COASY: variants seen among roughly 807,000 people sequenced by gnomAD.
COASY encodes the protein Coenzyme A synthase, also known as bifunctional coenzyme A synthase.
In COASY, 31 loss-of-function variants were observed where a neutral mutation model predicts 49.4. The ratio of observed to expected loss-of-function variants is 0.63; its 90% CI spans 0.47 to 0.85. The LOEUF is 0.85. Ranked by LOEUF, COASY falls within the 40% of genes least tolerant of loss-of-function variation. The pLI is 0.00. For synonymous variants in COASY, 285 were observed against 310.9 expected (o/e 0.92, Z 0.88); for missense variants, 730 against 734.1 (o/e 0.99, Z 0.06).
intron 6 of COASY, 45 bp downstream of exon 6, chr17:42,565,356 T>C: frequency 4.3e-6 from 7 of 1,610,092 alleles, no homozygotes; most frequent in Non-Finnish European, 6.0e-6. Flanking sequence ...ACAGTTAAGC[T>C]GTTTCTTCCC....
intron 1 of COASY, 52 bp downstream of exon 1, chr17:42,563,374 C>A: frequency 6.9e-7 from 1 of 1,453,620 alleles, no homozygotes; most frequent in Non-Finnish European, 9.2e-7. Context: ...ATCTCCCCAC[C>A]CCCGACCCTT....
chr17:42,565,836 G>A (rs767405706), intron 8 of COASY, 31 bp downstream of exon 8: 2 of 1,613,934 alleles, frequency 1.2e-6, no homozygotes, highest in South Asian at 2.2e-5. Context: ...CGGGTTGTGG[G>A]GAAGGAGTCT....
chr17:42,565,944 C>T lies in COASY; in HGVS notation c.1671C>T (p.Pro557=). 1.9e-6 allele frequency: 3 copies of T among 1,613,876 alleles called. No homozygotes were observed. The highest frequency in any genetic ancestry group is 2.5e-6 in the Non-Finnish European group (3 of 1,180,024). Reference sequence around the variant, plus strand: ...GGGCCCTCTTGCAGAAGCGCATTCCCAAGACTCATCAGGCCCTCGACTGAA... The same window carrying T: ...GGGCCCTCTTGCAGAAGCGCATTCCTAAGACTCATCAGGCCCTCGACTGAA... ...KAWALLQKRI[P]KTHQALD The change falls in exon 9 of 9, where the codon CCC becomes CCT. Residue 557 remains proline (P), a synonymous_variant. Coordinates refer to ENST00000393818, the MANE Select transcript of COASY (RefSeq NM_025233.7).
Position 42,566,108 on chromosome 17 carries a change from G to T in COASY, c.*140G>T. 1 of 854,550 alleles carries T rather than the reference G, an allele frequency of 1.2e-6. No individual in the cohort carries two copies. The allele number at this position is 854,550 out of a possible 1,614,324, so 52.9% of individuals were successfully genotyped here. A position where few individuals can be genotyped will look rare whatever the true frequency, so the allele number is the denominator to read the frequency against. The stretch of plus-strand genomic sequence containing the variant: ...GTGCAGGACATGGCCAGGCCTGGTG[G>T]ACACAGGAAGCCTACCCAACACGCT... On this transcript the variant is annotated 3_prime_UTR_variant, in exon 9 of 9. Transcript: ENST00000393818.
chr17:42,562,416 G>A lies in COASY; in HGVS notation c.-207G>A, dbSNP rs2092979229. On this transcript the variant is annotated 5_prime_UTR_variant, in exon 1 of 9. Coordinates refer to ENST00000393818, the MANE Select transcript of COASY (RefSeq NM_025233.7). ...AGTCACCGCCCCGTCTGAGAAATGA[G>A]GACACCAAGGCTTAGAGCACAGCCC... 2 of 1,613,796 alleles carry A rather than the reference G, an allele frequency of 1.2e-6. No homozygotes were observed. The highest frequency in any genetic ancestry group is 1.7e-6 in the Non-Finnish European group (2 of 1,179,794).
intron 1 of COASY, chr17:42,563,573 T>C: frequency 1.8e-6 from 1 of 543,170 alleles, no homozygotes; most frequent in Non-Finnish European, 3.3e-6. Context: ...TAGCAAGTTT[T>C]CCAGGTGATA....
Position 42,565,515 on chromosome 17 carries a change from G to A in COASY, c.1432G>A (p.Gly478Ser), listed in dbSNP as rs374725383. ...TGATGCCGCTGTGTTGCTTGAAGCCGGCTGGCAGAACCTGGTCCATGAGGT... is the reference window on the plus strand; with the variant it reads ...TGATGCCGCTGTGTTGCTTGAAGCCAGCTGGCAGAACCTGGTCCATGAGGT... The part of the protein sequence containing the change: ...VIDAAVLLEA[G>S]WQNLVHEVWT... The change falls in exon 7 of 9, where the codon GGC becomes AGC. Residue 478 changes from glycine (G) to serine (S), a missense_variant. Physicochemically the swap from Gly to Ser is moderately conservative, Grantham distance 56. Coordinates refer to ENST00000393818, the MANE Select transcript of COASY (RefSeq NM_025233.7). The A allele has an allele frequency of 3.9e-5, 63 of 1,614,076 alleles. No homozygotes were observed. The highest frequency in any genetic ancestry group is 6.6e-5 in the South Asian group (6 of 91,090).
chr17:42,562,448 G>A lies in COASY; in HGVS notation c.-175G>A. On this transcript the variant is annotated 5_prime_UTR_variant, in exon 1 of 9. Transcript: ENST00000393818. ...AAGGCTTAGAGCACAGCCCCGAGGC[G>A]CCGTCTACCAGGCCCCGTCCCCTCC... 6.2e-7 allele frequency: 1 copy of A among 1,613,824 alleles called. No homozygotes were observed. Among genetic ancestry groups the A allele is most frequent in the South Asian group, 1.1e-5 (1 of 91,080 alleles).
Position 42,565,476 on chromosome 17 carries a change from CGTGT to C in COASY, c.1401_1404del (p.Cys467Ter). On this transcript the variant is annotated frameshift_variant, in exon 7 of 9. Transcript: ENST00000393818. LOFTEE classifies it high-confidence loss of function. ...TGACTGGGGTCTCCCCACAGGAAAG[CGTGT>C]GTGTGTGATTGATGCCGCTGTGTTG... 2 of 1,613,642 alleles carry C rather than the reference CGTGT, an allele frequency of 1.2e-6. No individual in the cohort carries two copies. The highest frequency in any genetic ancestry group is 1.7e-6 in the Non-Finnish European group (2 of 1,179,638).
At chr17:42,564,948 G>A (rs2092994722) in intron 4 of COASY, 35 bp from the exon 5 acceptor site, 1 of 1,613,956 alleles carries the variant, frequency 6.2e-7, no homozygotes, top group African/African-American at 1.3e-5. Context: ...AGCTAGCCAG[G>A]CCTCTGTGCT....
At position 42,565,916 on chromosome 17, in the gene COASY, C is replaced by T. The variant is rs1192640301; in HGVS notation, c.1643C>T (p.Ala548Val). 15 of 1,613,952 alleles carry T rather than the reference C, an allele frequency of 9.3e-6. No individual in the cohort carries two copies. Among genetic ancestry groups the T allele is most frequent in the Non-Finnish European group, 1.3e-5 (15 of 1,180,018 alleles). ...PHITQRQVEK[A>V]WALLQKRIPK... is the part of the protein sequence containing the mutation. ...CTGGCCTGTCTGAAGGTGGAGAAAG[C>T]CTGGGCCCTCTTGCAGAAGCGCATT... The change falls in exon 9 of 9, where the codon GCC becomes GTC. Residue 548 changes from alanine to valine, a missense_variant. Ala to Val is a moderately conservative substitution (Grantham distance 64, BLOSUM62 0). Coordinates refer to ENST00000393818, the MANE Select transcript of COASY (RefSeq NM_025233.7).
intron 1 of COASY, 171 bp from the exon 2 acceptor site, chr17:42,563,790 C>G: frequency 1.7e-6 from 1 of 601,990 alleles, no homozygotes. Flanking sequence ...ATTGTGCTTG[C>G]CTGTTTCTTC....
chr17:42,565,452 G>A lies in COASY; in HGVS notation c.1388-19G>A, dbSNP rs749205667. 6.2e-7 allele frequency: 1 copy of A among 1,613,996 alleles called. No homozygotes were observed. On this transcript the variant is annotated intron_variant, in intron 6 of 8. Transcript: ENST00000393818. ...GGAGAACGTCGGCACTGCTGGCGGT[G>A]ACTGGGGTCTCCCCACAGGAAAGCG...
intron 2 of COASY, 110 bp downstream of exon 2, chr17:42,564,285 G>C (rs780672020): frequency 2.8e-6 from 4 of 1,451,578 alleles, no homozygotes; most frequent in East Asian, 2.3e-5. Flanking sequence ...GGGGGCTCAG[G>C]GTGGTGGGAA....
At position 42,562,433 on chromosome 17, in the gene COASY, G is replaced by C. The variant is rs1416063317; in HGVS notation, c.-190G>C. On this transcript the variant is annotated 5_prime_UTR_variant, in exon 1 of 9. Coordinates refer to ENST00000393818, the MANE Select transcript of COASY (RefSeq NM_025233.7). ...AGAAATGAGGACACCAAGGCTTAGA[G>C]CACAGCCCCGAGGCGCCGTCTACCA... The C allele has an allele frequency of 6.2e-7, 1 of 1,613,748 alleles. No individual in the cohort carries two copies. The highest frequency in any genetic ancestry group is 1.3e-5 in the African/African-American group (1 of 74,904).
In COASY at chr17:42,562,207, C is replaced by G; in HGVS notation, c.-416C>G. 2.0e-6 allele frequency: 1 copy of G among 488,952 alleles called. No homozygotes were observed. Among genetic ancestry groups the G allele is most frequent in the East Asian group, 3.4e-5 (1 of 29,536 alleles). The allele number at this position is 488,952 out of a possible 1,614,324, so 30.3% of individuals were successfully genotyped here. A position where few individuals can be genotyped will look rare whatever the true frequency, so the allele number is the denominator to read the frequency against. On this transcript the variant is annotated 5_prime_UTR_variant, in exon 1 of 9. Coordinates refer to ENST00000393818, the MANE Select transcript of COASY (RefSeq NM_025233.7). ...CGCGGTGGTGCAAGTGGAACCCAAG[C>G]CTTGAGGTTTCAGTGAGTAGGGGGC...
At chr17:42,565,195 A>G (rs755445525) in intron 5 of COASY, 32 bp from the exon 6 acceptor site, 8 of 1,610,664 alleles carry the variant, frequency 5.0e-6, no homozygotes, top group Non-Finnish European at 6.8e-6. Context: ...CTTCTAGAGA[A>G]GGTAACCTCT....
chr17:42,565,827 G>T (rs774471218), intron 8 of COASY, 22 bp downstream of exon 8: 1 of 1,613,890 alleles, frequency 6.2e-7, no homozygotes, highest in South Asian at 1.1e-5. Context: ...GGGCAAGGCC[G>T]GGTTGTGGGG....
chr17:42,566,147 C>A lies in COASY; in HGVS notation c.*179C>A, dbSNP rs867923176. ...ACCCAACACGCTGGTATTTGGCCAA[C>A]ACTGAGGATGTGGTTCATGGGGGAG... On this transcript the variant is annotated 3_prime_UTR_variant, in exon 9 of 9. Coordinates refer to ENST00000393818, the MANE Select transcript of COASY (RefSeq NM_025233.7). 1 of 648,206 alleles carries A rather than the reference C, an allele frequency of 1.5e-6. No individual in the cohort carries two copies. Among genetic ancestry groups the A allele is most frequent in the Middle Eastern group, 4.2e-4 (1 of 2,388 alleles). 40.2% of individuals were successfully genotyped at this position (648,206 alleles called of 1,614,324 possible).
Sources: allele counts gnomAD v4.1 joint callset, GRCh38; gene constraint gnomAD v4.1.1; transcripts MANE v1.5; gene names NCBI Gene and HGNC (gene_info 2026-07-23, HGNC 2026-07-21).